Variants in SPA17 observed in about 807,000 individuals in gnomAD.
SPA17 encodes sperm autoantigenic protein 17, also known as sperm surface protein Sp17.
In SPA17, 7 loss-of-function variants were observed where a neutral mutation model predicts 13.8. The observed-to-expected ratio is 0.51, with a 90% CI of 0.29 to 0.95. The LOEUF is 0.95. Among genes scored for constraint, SPA17 ranks in the 40% least tolerant of loss-of-function variants. The pLI is 0.08. For synonymous variants in SPA17, 61 were observed against 59.0 expected, an observed-to-expected ratio of 1.03 and a Z score of -0.16; for missense variants, 170 against 179.3, an observed-to-expected ratio of 0.95 and a Z score of 0.30.
At chr11:124,684,507 T>G (rs1479840621) in intron 3 of SPA17, among the ~76,000 whole-genome samples, 13 of 152,166 alleles carry the variant, frequency 8.5e-5, no homozygotes, top group Non-Finnish European at 1.9e-4. Flanking sequence ...CCACCTCGTC[T>G]TCCCAAATCA....
intron 2 of SPA17, among the ~76,000 whole-genome samples, chr11:124,678,150 AC>A (rs1322611017): frequency 6.6e-6 from 1 of 152,220 alleles, no homozygotes; most frequent in East Asian, 1.9e-4. Flanking sequence ...TGTAGAAACA[AC>A]CCAAATATCC....
intron 4 of SPA17, 22 bp downstream of exon 4, chr11:124,691,804 C>T (rs749556757): frequency 1.9e-5 from 28 of 1,495,044 alleles, no homozygotes; most frequent in Admixed American, 5.4e-5. Context: ...TTTTCATGTA[C>T]TATTGGATTC....
chr11:124,678,516 C>CTCTGTGTGTG (rs990471654), intron 2 of SPA17, among the ~76,000 whole-genome samples: 87 of 143,364 alleles, frequency 6.1e-4, no homozygotes, highest in African/African-American at 2.0e-3. Flanking sequence ...GAATACATAA[C>CTCTGTGTGTG]TGTGTGTGTG....
At chr11:124,692,238 C>T (rs1005049979) in intron 4 of SPA17, among the ~76,000 whole-genome samples, 16 of 152,242 alleles carry the variant, frequency 1.1e-4, no homozygotes, top group African/African-American at 2.9e-4. Flanking sequence ...CCATGCATAA[C>T]GCTCTACAAA....
chr11:124,690,618 A>G (rs1366048943), intron 3 of SPA17, among the ~76,000 whole-genome samples: 1 of 152,234 alleles, frequency 6.6e-6, no homozygotes, highest in Non-Finnish European at 1.5e-5. Context: ...TTGTACAAAT[A>G]TAAAAGAAAA....
At chr11:124,674,127 A>G (rs1943423763) in intron 1 of SPA17, 175 bp downstream of exon 1, 1 of 216,162 alleles carries the variant, frequency 4.6e-6, no homozygotes, top group Non-Finnish European at 9.3e-6. Context: ...GCCCCCGACT[A>G]GACCCGTCTG....
intron 2 of SPA17, chr11:124,675,660 A>G (rs1220396356): frequency 2.6e-6 from 1 of 379,200 alleles, no homozygotes; most frequent in East Asian, 5.5e-5. Flanking sequence ...TCTCACGGAC[A>G]TACAGCGTGG....
chr11:124,675,383 C>G lies in SPA17; in HGVS notation c.119C>G (p.Ala40Gly). The G allele has an allele frequency of 6.2e-7, 1 of 1,614,048 alleles. No individual in the cohort carries two copies. The highest frequency in any genetic ancestry group is 8.5e-7 in the Non-Finnish European group (1 of 1,180,002). ...CCGGACAATATACCAGCTTTTGCAGCAGCCTATTTTGAGAGCCTTCTAGAG... is the reference window on the plus strand; with the variant it reads ...CCGGACAATATACCAGCTTTTGCAGGAGCCTATTTTGAGAGCCTTCTAGAG... ...EQPDNIPAFA[A>G]AYFESLLEKR... Residue 40 changes from alanine (A) to glycine (G), a missense_variant, in exon 2 of 5, where the codon GCA (alanine) becomes GGA (glycine). Physicochemically the swap from Ala to Gly is moderately conservative, Grantham distance 60. Coordinates refer to ENST00000227135, the MANE Select transcript of SPA17 (RefSeq NM_017425.4).
chr11:124,681,293 G>A, intron 2 of SPA17, 96 bp from the exon 3 acceptor site: 7 of 978,382 alleles, frequency 7.2e-6, no homozygotes, highest in Non-Finnish European at 8.7e-6. Flanking sequence ...TAAAGAACCT[G>A]TAATTTGAAA....
chr11:124,694,359 T>G lies in SPA17; in HGVS notation c.369T>G (p.Ala123=). The G allele has an allele frequency of 6.2e-7, 1 of 1,614,014 alleles. No individual in the cohort carries two copies. Among genetic ancestry groups the G allele is most frequent in the Non-Finnish European group, 8.5e-7 (1 of 1,179,978 alleles). The part of the protein sequence containing the change: ...KEEVAAVKIQ[A]AFRGHIAREE... Reference sequence around the variant, plus strand: ...AGGTTGCTGCTGTCAAAATCCAAGCTGCCTTCCGGGGACACATAGCCAGAG... The same window carrying G: ...AGGTTGCTGCTGTCAAAATCCAAGCGGCCTTCCGGGGACACATAGCCAGAG... The change falls in exon 5 of 5, where the codon GCT becomes GCG. Residue 123 remains alanine, a synonymous_variant. Coordinates refer to ENST00000227135, the MANE Select transcript of SPA17 (RefSeq NM_017425.4).
Position 124,674,069 on chromosome 11 carries a change from A to G in SPA17, c.-28+117A>G, listed in dbSNP as rs967922874. ...GGAGCCCTGGGCCGTTTGGGAGCCG[A>G]GGCAGCCCATTCTGCGCGAGTCTGA... On this transcript the variant is annotated intron_variant, in intron 1 of 4. Coordinates refer to ENST00000227135, the MANE Select transcript of SPA17 (RefSeq NM_017425.4). The G allele has an allele frequency of 1.1e-5, 3 of 265,698 alleles. No individual in the cohort carries two copies. In the South Asian group the frequency reaches 1.6e-4, roughly 14 times the overall value. 16.5% of individuals were successfully genotyped at this position (265,698 alleles called of 1,614,324 possible).
At chr11:124,686,983 G>A (rs1207909989) in intron 3 of SPA17, among the ~76,000 whole-genome samples, 1 of 151,916 alleles carries the variant, frequency 6.6e-6, no homozygotes, top group Non-Finnish European at 1.5e-5. Context: ...CAATACAAAG[G>A]ATTAACAAAA....
chr11:124,674,840 T>TA (rs770029810), intron 1 of SPA17: 14 of 152,454 alleles, frequency 9.2e-5, no homozygotes, highest in South Asian at 2.0e-4. Flanking sequence ...TTCTACTCTT[T>TA]AAAAAAAAAT....
At chr11:124,680,935 C>A (rs1943523114) in intron 2 of SPA17, among the ~76,000 whole-genome samples, 2 of 151,598 alleles carry the variant, frequency 1.3e-5, no homozygotes, top group African/African-American at 4.8e-5. Context: ...AAAATAAATA[C>A]CTCTGCTTGT....
At chr11:124,675,085 T>C in intron 1 of SPA17, 153 bp from the exon 2 acceptor site, 1 of 671,966 alleles carries the variant, frequency 1.5e-6, no homozygotes, top group Non-Finnish European at 2.4e-6. Flanking sequence ...ATTTCAAAAC[T>C]CTTTGGAAGA....
Position 124,675,373 on chromosome 11 carries a change from G to A in SPA17, c.109G>A (p.Ala37Thr). The A allele has an allele frequency of 1.9e-6, 3 of 1,614,126 alleles. No homozygotes were observed. Among genetic ancestry groups the A allele is most frequent in the East Asian group, 2.2e-5 (1 of 44,876 alleles). ...ILREQPDNIP[A>T]FAAAYFESLL... ...GAGAGAGCAACCGGACAATATACCA[G>A]CTTTTGCAGCAGCCTATTTTGAGAG... The change falls in exon 2 of 5, where the codon GCT becomes ACT. Residue 37 changes from alanine to threonine, a missense_variant. Physicochemically the swap from Ala to Thr is moderately conservative, Grantham distance 58. Coordinates refer to ENST00000227135, the MANE Select transcript of SPA17 (RefSeq NM_017425.4).
chr11:124,688,346 G>C (rs1413520830), intron 3 of SPA17, among the ~76,000 whole-genome samples: 1 of 152,132 alleles, frequency 6.6e-6, no homozygotes, highest in Non-Finnish European at 1.5e-5. Flanking sequence ...AAAATCTAAA[G>C]ACTCCACCAG....
rs1416862238 is a variant in SPA17, at chr11:124,681,558, A to C, written c.225+99A>C. The C allele has an allele frequency of 3.5e-5, 23 of 649,466 alleles. No individual in the cohort carries two copies. In the Admixed American group the frequency reaches 5.9e-4, roughly 17 times the overall value. 40.2% of individuals were successfully genotyped at this position (649,466 alleles called of 1,614,324 possible). ...CCAGAATTGTGAGAATTATGTGAGG[A>C]GGCATCACAAATAACTTATTAAATC... On this transcript the variant is annotated intron_variant, in intron 3 of 4. Transcript: ENST00000227135.
In SPA17 at chr11:124,694,386, G is replaced by C. The variant is rs762822493; in HGVS notation, c.396G>C (p.Glu132Asp). 6.2e-7 allele frequency: 1 copy of C among 1,613,796 alleles called. No homozygotes were observed. Among genetic ancestry groups the C allele is most frequent in the Admixed American group, 1.7e-5 (1 of 59,966 alleles). ...QAAFRGHIAR[E>D]EAKKMKTNSL... Reference sequence around the variant, plus strand: ...CCTTCCGGGGACACATAGCCAGAGAGGAGGCAAAGAAAATGAAAACAAATA... The same window carrying C: ...CCTTCCGGGGACACATAGCCAGAGACGAGGCAAAGAAAATGAAAACAAATA... Residue 132 changes from glutamate to aspartate, a missense_variant, in exon 5 of 5, where the codon GAG (glutamate) becomes GAC (aspartate). By Grantham distance (45) the Glu-to-Asp change is conservative (BLOSUM62 2). Transcript: ENST00000227135.
Sources: gnomAD v4.1 joint callset for allele counts (sites outside exome capture counted in the v4.1 genomes callset) on GRCh38, gnomAD v4.1.1 for gene constraint, MANE v1.5 for transcripts, NCBI Gene and HGNC (gene_info 2026-07-23, HGNC 2026-07-21) for gene names.